ZNF518A: variants seen among roughly 807,000 people sequenced by gnomAD.
ZNF518A encodes zinc finger protein 518A, also known as zinc finger protein 518.
In ZNF518A, 47 loss-of-function variants were observed where a neutral mutation model predicts 102.7. That is an observed-to-expected ratio of 0.46 (90% CI 0.36 to 0.58). The LOEUF (loss-of-function observed/expected upper bound fraction) is 0.58, where lower values mean the gene tolerates loss of function less well. Ranked by LOEUF, ZNF518A falls within the 20% of genes least tolerant of loss-of-function variation. The probability of loss-of-function intolerance (pLI) is 0.00; values close to 1 mark genes in which losing one functional copy is unlikely to be tolerated. For missense variants in ZNF518A, 1,793 were observed against 1,699.8 expected (o/e 1.05, Z -0.96); for synonymous variants, 652 against 594.6 (o/e 1.10, Z -1.40).
Position 96,160,347 on chromosome 10 carries a change from G to T in ZNF518A, c.4025G>T (p.Arg1342Met). Residue 1342 changes from arginine (R) to methionine (M), a missense_variant, in exon 6 of 6, where the codon AGG (arginine) becomes ATG (methionine). Arg to Met is a moderately conservative substitution (Grantham distance 91). This residue lies in a region of ZNF518A where 1,741 missense variants were observed against 1,622.6 expected (regional missense o/e 1.07). Coordinates refer to ENST00000316045, the MANE Select transcript of ZNF518A (RefSeq NM_001330736.2). ...TCTAAACAGCTTGTGAAATGTCCTA[G>T]GAGAAACCAACCAGTTGTAGTTTTG... is the stretch of plus-strand genomic sequence containing the variant. ...FSSKQLVKCP[R>M]RNQPVVVLNH... The T allele has an allele frequency of 6.2e-7, 1 of 1,613,600 alleles. No individual in the cohort carries two copies. Among genetic ancestry groups the T allele is most frequent in the Non-Finnish European group, 8.5e-7 (1 of 1,179,648 alleles).
At position 96,130,519 on chromosome 10, in the gene ZNF518A, C is replaced by G. The variant is rs2081274520; in HGVS notation, c.-686C>G. On this transcript the variant is annotated 5_prime_UTR_variant, in exon 1 of 6. Coordinates refer to ENST00000316045, the MANE Select transcript of ZNF518A (RefSeq NM_001330736.2). Reference sequence around the variant, plus strand: ...ACCCCGGAGGAAGGGGCGGATCGGGCGCGGTGTTTGGGGCGAAGCTGGGCG... The same window carrying G: ...ACCCCGGAGGAAGGGGCGGATCGGGGGCGGTGTTTGGGGCGAAGCTGGGCG... 6.6e-6 allele frequency among the ~76,000 whole-genome samples: 1 copy of G among 152,218 alleles called. No individual in the cohort carries two copies. Among genetic ancestry groups the G allele is most frequent in the African/African-American group, 2.4e-5 (1 of 41,454 alleles).
At position 96,142,581 on chromosome 10, in the gene ZNF518A, T is replaced by C. The variant is rs186763927; in HGVS notation, c.-302+8933T>C. ...TATAGCTAAGCTAAAACTAGAGTTTTTAGTTTTTTTTTGGTGTTTAAGCAA... is the reference window on the plus strand; with the variant it reads ...TATAGCTAAGCTAAAACTAGAGTTTCTAGTTTTTTTTTGGTGTTTAAGCAA... On this transcript the variant is annotated intron_variant, in intron 3 of 5. Transcript: ENST00000316045. 8.4e-3 allele frequency among the ~76,000 whole-genome samples: 1,123 copies of C among 133,508 alleles called. 6 individuals are homozygous for C. Among genetic ancestry groups the C allele is most frequent in the South Asian group, 0.019 (69 of 3,706 alleles). The allele number at this position is 133,508 out of a possible 152,430, so 87.6% of individuals were successfully genotyped here.
intron 3 of ZNF518A, among the ~76,000 whole-genome samples, chr10:96,152,758 A>C (rs2082512442): frequency 6.6e-6 from 1 of 152,232 alleles, no homozygotes; most frequent in African/African-American, 2.4e-5. Flanking sequence ...ATGCAAATGT[A>C]ACACAGTGAT....
intron 1 of ZNF518A, among the ~76,000 whole-genome samples, chr10:96,172,488 TTAA>T (rs1431462193): frequency 4.6e-5 from 7 of 152,196 alleles, no homozygotes; most frequent in African/African-American, 1.7e-4. Flanking sequence ...CACAAAATTA[TTAA>T]TAAGTATAAC....
intron 3 of ZNF518A, among the ~76,000 whole-genome samples, chr10:96,136,870 A>G (rs935294205): frequency 6.6e-6 from 1 of 152,170 alleles, no homozygotes; most frequent in Non-Finnish European, 1.5e-5. Context: ...GGATTATTCC[A>G]TTATACCAAG....
At position 96,157,043 on chromosome 10, in the gene ZNF518A, C is replaced by A; in HGVS notation, c.721C>A (p.His241Asn). Reference protein sequence around the residue: ...EIHYKCGKCHHVCFTKGELQK... With the variant: ...EIHYKCGKCHNVCFTKGELQK... Reference sequence around the variant, plus strand: ...TCATTATAAGTGTGGTAAATGTCATCATGTATGTTTTACCAAAGGAGAGCT... The same window carrying A: ...TCATTATAAGTGTGGTAAATGTCATAATGTATGTTTTACCAAAGGAGAGCT... Residue 241 changes from histidine to asparagine, a missense_variant, in exon 6 of 6, where the codon CAT becomes AAT. Around this residue, in one of 3 missense-constraint regions of ZNF518A, gnomAD observed 1,741 missense variants for 1,622.6 expected, o/e 1.07. Coordinates refer to ENST00000316045, the MANE Select transcript of ZNF518A (RefSeq NM_001330736.2). The A allele has an allele frequency of 1.2e-6, 2 of 1,613,634 alleles. No individual in the cohort carries two copies. The highest frequency in any genetic ancestry group is 1.7e-6 in the Non-Finnish European group (2 of 1,179,726).
downstream of ZNF518A, among the ~76,000 whole-genome samples, chr10:96,165,682 T>G (rs11188642): frequency 0.31 from 46,580 of 152,020 alleles, 8,247 homozygotes; most frequent in East Asian, 0.66. Flanking sequence ...AAGAGCTGAT[T>G]TACCATTCTT....
intron 3 of ZNF518A, among the ~76,000 whole-genome samples, chr10:96,146,470 C>T (rs1554878575): frequency 6.6e-6 from 1 of 152,002 alleles, no homozygotes; most frequent in African/African-American, 2.4e-5. Context: ...TATGTAACAT[C>T]TTTTGCAATC....
chr10:96,148,995 G>A (rs907953136), intron 3 of ZNF518A, among the ~76,000 whole-genome samples: 3 of 152,090 alleles, frequency 2.0e-5, no homozygotes, highest in African/African-American at 4.8e-5. Flanking sequence ...GATTACAGGC[G>A]TGAGCCACCG....
chr10:96,145,104 C>T (rs1554877978), intron 3 of ZNF518A, among the ~76,000 whole-genome samples: 1 of 78,456 alleles, frequency 1.3e-5, no homozygotes, highest in Admixed American at 1.4e-4. Context: ...GAGTCTCGCT[C>T]TGTCGCCCAG....
chr10:96,137,790 C>A (rs1361497852), intron 3 of ZNF518A, among the ~76,000 whole-genome samples: 1 of 152,176 alleles, frequency 6.6e-6, no homozygotes, highest in Non-Finnish European at 1.5e-5. Context: ...TGTACATATA[C>A]ACACACCGAT....
chr10:96,157,972 ATCT>A lies in ZNF518A; in HGVS notation c.1655_1657del (p.Ser552del), dbSNP rs782577698. ...AAACAATGGATTATGAGAAAAGTGT[ATCT>A]TCTTTGTCAGCAACATCAGAATTGG... is the stretch of plus-strand genomic sequence containing the variant. On this transcript the variant is annotated inframe_deletion, in exon 6 of 6. Transcript: ENST00000316045. 8 of 1,613,840 alleles carry A rather than the reference ATCT, an allele frequency of 5.0e-6. No individual in the cohort carries two copies. The Admixed American group carries it at 8.3e-5, about 17-fold the overall frequency.
chr10:96,181,617 G>T (rs2083240733), intron 1 of ZNF518A, among the ~76,000 whole-genome samples: 1 of 152,090 alleles, frequency 6.6e-6, no homozygotes, highest in Non-Finnish European at 1.5e-5. Context: ...CCCATTTCTT[G>T]TTTTTGTCAG....
Position 96,200,275 on chromosome 10 carries a change from T to A in ZNF518A, n.36-3299T>A, listed in dbSNP as rs1554895774. ...AGACAGGCCTCTACATTTACACCAA[T>A]AATTTTAAGATGAGTTTTATTTTTC... On this transcript the variant is annotated intron_variant and non_coding_transcript_variant, in intron 1 of 2. Transcript: ENST00000442635. This position sits in a 1 kb window ranked among gnomAD's most constrained non-coding sequence, Gnocchi z 4.3. 1.5e-6 allele frequency: 1 copy of A among 677,466 alleles called. No homozygotes were observed. The highest frequency in any genetic ancestry group is 2.6e-6 in the Non-Finnish European group (1 of 386,500). 42.0% of individuals were successfully genotyped at this position (677,466 alleles called of 1,614,324 possible). A position where few individuals can be genotyped will look rare whatever the true frequency, so the allele number is the denominator to read the frequency against.
rs1048258672 is a variant in ZNF518A, at chr10:96,132,692, T to C, written c.-368+22T>C. ...AGAGGTATGGTAAAGATTGAAATAC[T>C]GGAGTATATAGTCTATTAAGTAGTA... On this transcript the variant is annotated intron_variant, in intron 2 of 5. Coordinates refer to ENST00000316045, the MANE Select transcript of ZNF518A (RefSeq NM_001330736.2). 5.3e-5 allele frequency: 8 copies of C among 152,124 alleles called. No homozygotes were observed. In the East Asian group the frequency reaches 1.5e-3, roughly 29 times the overall value. The allele number at this position is 152,124 out of a possible 1,614,324, so 9.4% of individuals were successfully genotyped here.
At position 96,158,179 on chromosome 10, in the gene ZNF518A, C is replaced by T. The variant is rs1389240450; in HGVS notation, c.1857C>T (p.Cys619=). Residue 619 remains cysteine, a synonymous_variant, in exon 6 of 6, where the codon TGC becomes TGT. Transcript: ENST00000316045. The part of the protein sequence containing the change: ...AYNSGDMHNY[C]INYGNCELPV... ...ACAGTGGAGATATGCATAATTATTGCATTAATTATGGCAACTGTGAGTTAC... is the reference window on the plus strand; with the variant it reads ...ACAGTGGAGATATGCATAATTATTGTATTAATTATGGCAACTGTGAGTTAC... The T allele has an allele frequency of 1.2e-6, 2 of 1,613,452 alleles. No individual in the cohort carries two copies. Among genetic ancestry groups the T allele is most frequent in the African/African-American group, 2.7e-5 (2 of 74,922 alleles).
At chr10:96,199,064 T>C (rs1554895405) in intron 1 of ZNF518A, among the ~76,000 whole-genome samples, 1 of 152,172 alleles carries the variant, frequency 6.6e-6, no homozygotes, top group Non-Finnish European at 1.5e-5. Flanking sequence ...CCTCAGAATC[T>C]ACTACAGGTA....
rs1369853926 is a variant in ZNF518A at position 96,130,768 on chromosome 10, G to C, written c.-453+16G>C. On this transcript the variant is annotated intron_variant, in intron 1 of 5. Coordinates refer to ENST00000316045, the MANE Select transcript of ZNF518A (RefSeq NM_001330736.2). ...TTGGCCAAAGGTGCTCTTCCCCGCAGACCCTAACCACACCCAGTGGCAGTT... is the reference window on the plus strand; with the variant it reads ...TTGGCCAAAGGTGCTCTTCCCCGCACACCCTAACCACACCCAGTGGCAGTT... 6.6e-6 allele frequency: 1 copy of C among 152,374 alleles called. No homozygotes were observed. The highest frequency in any genetic ancestry group is 2.4e-5 in the African/African-American group (1 of 41,462). 9.4% of individuals were successfully genotyped at this position (152,374 alleles called of 1,614,324 possible).
intron 4 of ZNF518A, 179 bp downstream of exon 4, chr10:96,155,555 G>C (rs2082657976): frequency 6.6e-6 from 1 of 152,196 alleles, no homozygotes; most frequent in African/African-American, 2.4e-5. Context: ...AAATGGTGCT[G>C]CTGTTCTTTT....
Sources: gnomAD v4.1 joint callset for allele counts (sites outside exome capture counted in the v4.1 genomes callset) on GRCh38, gnomAD v4.1.1 for gene constraint, gnomAD v4.1.1 regional missense constraint, Gnocchi (gnomAD v3.1) non-coding constraint, MANE v1.5 for transcripts, NCBI Gene and HGNC (gene_info 2026-07-23, HGNC 2026-07-21) for gene names.